The following R3HDM2 variants were observed in gnomAD, a reference collection of about 807,000 sequenced individuals.
R3HDM2 encodes the protein R3H domain containing 2, also known as R3H domain-containing protein 2.
R3HDM2 carries 38 observed loss-of-function variants against 124.5 expected under a neutral mutation model. The ratio of observed to expected loss-of-function variants is 0.31; its 90% CI spans 0.24 to 0.40. The LOEUF (loss-of-function observed/expected upper bound fraction) is 0.40. R3HDM2 is among the 10% of genes least tolerant of loss of function. The probability of loss-of-function intolerance (pLI) is 1.00; values close to 1 mark genes in which losing one functional copy is unlikely to be tolerated. For missense variants in R3HDM2, 869 were observed against 1,236.9 expected, an observed-to-expected ratio of 0.70 and a Z score of 4.46; for synonymous variants, 391 against 448.0, an observed-to-expected ratio of 0.87 and a Z score of 1.61.
intron 4 of R3HDM2, among the ~76,000 whole-genome samples, chr12:57,302,030 C>T (rs1001685985): frequency 9.9e-5 from 15 of 151,796 alleles, no homozygotes; most frequent in Admixed American, 3.9e-4. Flanking sequence ...CCTGTAAACC[C>T]GGCACTTTGG....
intron 1 of R3HDM2, among the ~76,000 whole-genome samples, chr12:57,429,523 G>C (rs975566247): frequency 6.6e-6 from 1 of 152,018 alleles, no homozygotes; most frequent in Non-Finnish European, 1.5e-5. Context: ...AGGAGTTCCA[G>C]ACCAGCCTGG....
chr12:57,394,810 T>C (rs2067241698), intron 2 of R3HDM2, among the ~76,000 whole-genome samples: 1 of 152,234 alleles, frequency 6.6e-6, no homozygotes, highest in African/African-American at 2.4e-5. Context: ...CTGTTATCTA[T>C]ATTAATCACC....
chr12:57,327,911 A>T (rs2057532836), intron 2 of R3HDM2, among the ~76,000 whole-genome samples: 1 of 152,210 alleles, frequency 6.6e-6, no homozygotes, highest in Admixed American at 6.5e-5. Flanking sequence ...AAGGATTTAG[A>T]ATATTACATA....
In R3HDM2 at chr12:57,253,871, C is replaced by T. The variant is rs779293686; in HGVS notation, c.*902G>A. 1.0e-5 allele frequency: 2 copies of T among 199,710 alleles called. No individual in the cohort carries two copies. The highest frequency in any genetic ancestry group is 2.4e-5 in the African/African-American group (1 of 41,372). The allele number at this position is 199,710 out of a possible 1,614,324, so 12.4% of individuals were successfully genotyped here. A position where few individuals can be genotyped will look rare whatever the true frequency, so the allele number is the denominator to read the frequency against. On this transcript the variant is annotated 3_prime_UTR_variant, in exon 24 of 24. Coordinates refer to ENST00000402412, the MANE Select transcript of R3HDM2 (RefSeq NM_001394031.1). The stretch of plus-strand genomic sequence containing the variant: ...TTAAATAAAATTTACAGTGAATATA[C>T]CCAGCAAACATCTGTATGTGCAATT...
intron 2 of R3HDM2, among the ~76,000 whole-genome samples, chr12:57,385,775 T>C (rs1229332102): frequency 6.6e-6 from 1 of 151,970 alleles, no homozygotes; most frequent in East Asian, 1.9e-4. Flanking sequence ...CCTGGGGGAC[T>C]AGACAGAAGA....
intron 2 of R3HDM2, among the ~76,000 whole-genome samples, chr12:57,316,478 C>T (rs1276371950): frequency 6.6e-6 from 1 of 151,692 alleles, no homozygotes; most frequent in Non-Finnish European, 1.5e-5. Flanking sequence ...AAACAGGTAT[C>T]TTCTACCAAA....
chr12:57,361,048 CAAAAAAAAAA>C (rs35437591), intron 2 of R3HDM2, among the ~76,000 whole-genome samples: 19 of 60,042 alleles, frequency 3.2e-4, no homozygotes, highest in South Asian at 5.9e-4. Flanking sequence ...AGACACGTCT[CAAAAAAAAAA>C]AAAAAAAAAA....
intron 22 of R3HDM2, 130 bp from the exon 23 acceptor site, chr12:57,256,204 G>T: frequency 9.9e-7 from 1 of 1,007,232 alleles, no homozygotes; most frequent in Non-Finnish European, 1.5e-6. Flanking sequence ...AGTCAGGTTG[G>T]CCATGGAGCA....
At chr12:57,388,408 G>T (rs368681886) in intron 2 of R3HDM2, among the ~76,000 whole-genome samples, 17 of 152,342 alleles carry the variant, frequency 1.1e-4, no homozygotes, top group African/African-American at 4.1e-4. Flanking sequence ...AGCGAAAGTA[G>T]GAAAATATGT....
chr12:57,257,902 G>A (rs2039531710), intron 21 of R3HDM2, 88 bp downstream of exon 21: 2 of 1,331,820 alleles, frequency 1.5e-6, no homozygotes, highest in Non-Finnish European at 2.0e-6. Flanking sequence ...CTGGTCCTCT[G>A]CCTGTTGTTA....
Position 57,258,097 on chromosome 12 carries a change from G to A in R3HDM2, c.2342C>T (p.Thr781Ile), listed in dbSNP as rs1365667003. The change falls in exon 21 of 24, where the codon ACC becomes ATC. Residue 781 changes from threonine (T) to isoleucine (I), a missense_variant. This residue lies in a region of R3HDM2 where 602 missense variants were observed against 789.2 expected (regional missense o/e 0.76). Coordinates refer to ENST00000402412, the MANE Select transcript of R3HDM2 (RefSeq NM_001394031.1). ...GACAGGAGAGGGTGCTGGAGACTGG[G>A]TAGGAGATGTGACAGGGCTGCTGCT... ...QMSSSPVTSP[T>I]QSPAPSPVTS... 5.0e-6 allele frequency: 8 copies of A among 1,588,424 alleles called. No homozygotes were observed. The highest frequency in any genetic ancestry group is 2.7e-5 in the African/African-American group (2 of 74,898).
intron 2 of R3HDM2, among the ~76,000 whole-genome samples, chr12:57,377,107 A>AAATAAAT (rs1566405448): frequency 5.4e-5 from 1 of 18,410 alleles, no homozygotes; most frequent in African/African-American, 1.6e-4. Flanking sequence ...AATAAATAAA[A>AAATAAAT]GAGACTTGGT....
chr12:57,268,394 G>A lies in R3HDM2; in HGVS notation c.1939C>T (p.Pro647Ser). 6.2e-7 allele frequency: 1 copy of A among 1,614,072 alleles called. No individual in the cohort carries two copies. Among genetic ancestry groups the A allele is most frequent in the Non-Finnish European group, 8.5e-7 (1 of 1,180,000 alleles). The change falls in exon 18 of 24, where the codon CCT (proline) becomes TCT (serine). Residue 647 changes from proline (P) to serine (S), a missense_variant. Physicochemically the swap from Pro to Ser is moderately conservative, Grantham distance 74. Coordinates refer to ENST00000402412, the MANE Select transcript of R3HDM2 (RefSeq NM_001394031.1). Reference sequence around the variant, plus strand: ...CCTCCTTGCACAGACTGGCTCACAGGGACCAGCATGGGTTGCTGGAAAGGC... The same window carrying A: ...CCTCCTTGCACAGACTGGCTCACAGAGACCAGCATGGGTTGCTGGAAAGGC... ...QPPFQQPMLV[P>S]VSQSVQGGLP...
chr12:57,365,700 C>G (rs1207554748), intron 2 of R3HDM2, among the ~76,000 whole-genome samples: 2 of 152,198 alleles, frequency 1.3e-5, no homozygotes, highest in Non-Finnish European at 2.9e-5. Flanking sequence ...CTTTGGGAAG[C>G]TGAGGCAGAT....
chr12:57,300,009 G>T, intron 5 of R3HDM2, 86 bp downstream of exon 5: 2 of 1,016,024 alleles, frequency 2.0e-6, no homozygotes, highest in Non-Finnish European at 1.5e-6. Context: ...TGATTTTCAA[G>T]TCTGATGTTG....
intron 3 of R3HDM2, among the ~76,000 whole-genome samples, chr12:57,305,434 T>C (rs1177764967): frequency 2.0e-5 from 3 of 152,192 alleles, no homozygotes; most frequent in Non-Finnish European, 4.4e-5. Flanking sequence ...AGTATATCTG[T>C]AGTCCATTTA....
chr12:57,326,133 C>T (rs569119454), intron 2 of R3HDM2, among the ~76,000 whole-genome samples: 27 of 152,132 alleles, frequency 1.8e-4, no homozygotes, highest in Non-Finnish European at 3.1e-4. Context: ...CTTCTACCAC[C>T]CAACTGTTCC....
At chr12:57,274,724 A>G (rs542053885) in intron 14 of R3HDM2, among the ~76,000 whole-genome samples, 1 of 152,268 alleles carries the variant, frequency 6.6e-6, no homozygotes, top group South Asian at 2.1e-4. Flanking sequence ...CCATGAGGAA[A>G]TTTATTTAAA....
At chr12:57,401,524 G>A (rs1201504705) in intron 1 of R3HDM2, among the ~76,000 whole-genome samples, 2 of 152,220 alleles carry the variant, frequency 1.3e-5, no homozygotes, top group African/African-American at 4.8e-5. Context: ...AACTGTGACA[G>A]AGTCTTGCTC....
Sources: allele counts gnomAD v4.1 joint callset (sites outside exome capture counted in the v4.1 genomes callset), GRCh38; gene constraint gnomAD v4.1.1; regional missense constraint gnomAD v4.1.1; transcripts MANE v1.5; gene names NCBI Gene and HGNC (gene_info 2026-07-23, HGNC 2026-07-21).